FAM83A: variants seen among roughly 807,000 people sequenced by gnomAD.
The protein encoded by FAM83A is protein FAM83A.
FAM83A carries 21 observed loss-of-function variants against 24.4 expected under a neutral mutation model. The ratio of observed to expected loss-of-function variants is 0.86; its 90% CI spans 0.61 to 1.24. The LOEUF (loss-of-function observed/expected upper bound fraction) is 1.24, where lower values mean the gene tolerates loss of function less well. FAM83A is among the 50% of genes most tolerant of loss of function. The probability of loss-of-function intolerance (pLI) is 0.00; values close to 1 mark genes in which losing one functional copy is unlikely to be tolerated. For missense variants in FAM83A, 617 were observed against 579.8 expected, an observed-to-expected ratio of 1.06 and a Z score of -0.66; for synonymous variants, 270 against 252.4, an observed-to-expected ratio of 1.07 and a Z score of -0.66.
chr8:123,200,790 C>T (rs1824322121), intron 3 of FAM83A, among the ~76,000 whole-genome samples: 1 of 151,948 alleles, frequency 6.6e-6, no homozygotes. Context: ...CCTGTCTCTA[C>T]TAAAAATACA....
intron 1 of FAM83A, among the ~76,000 whole-genome samples, chr8:123,188,969 T>TCA (rs1399368045): frequency 6.6e-6 from 1 of 152,176 alleles, no homozygotes; most frequent in African/African-American, 2.4e-5. Context: ...CTGTCTCTGT[T>TCA]CAATCACCAG....
intron 1 of FAM83A, among the ~76,000 whole-genome samples, chr8:123,190,413 T>C (rs1020473026): frequency 3.3e-5 from 5 of 151,366 alleles, no homozygotes; most frequent in African/African-American, 1.2e-4. Flanking sequence ...AGGCGTGCAC[T>C]ACCAGTCCAG....
At chr8:123,183,312 C>T (rs1417390392) in exon 1 of FAM83A, 2 of 1,612,898 alleles carry the variant, frequency 1.2e-6, no homozygotes, top group Non-Finnish European at 8.5e-7. Context: ...ACCTCGTCCG[C>T]CGCTGCATCA....
rs1824677763 is a variant in FAM83A at position 123,209,801 on chromosome 8, C to T, written c.*2113C>T. 1 of 528,302 alleles carries T rather than the reference C, an allele frequency of 1.9e-6. No individual in the cohort carries two copies. Among genetic ancestry groups the T allele is most frequent in the Non-Finnish European group, 3.4e-6 (1 of 295,224 alleles). 32.7% of individuals were successfully genotyped at this position (528,302 alleles called of 1,614,324 possible). On this transcript the variant is annotated 3_prime_UTR_variant, in exon 4 of 4. Coordinates refer to ENST00000690554, the Ensembl canonical transcript of FAM83A. The surrounding 1 kb of genome is among the most constrained non-coding windows in gnomAD (Gnocchi z 4.7). The stretch of plus-strand genomic sequence containing the variant: ...CTTTGTTGACAAAGGTGCAGTTTCT[C>T]CTCTCCTGGGCACCTGTAACATGTG...
intron 3 of FAM83A, among the ~76,000 whole-genome samples, chr8:123,195,498 A>G (rs1192120956): frequency 6.6e-6 from 1 of 152,192 alleles, no homozygotes; most frequent in Non-Finnish European, 1.5e-5. Flanking sequence ...TGATATTAAC[A>G]TTGCTACCTC....
At chr8:123,207,951 T>C in exon 4 of FAM83A, 2 of 1,227,380 alleles carry the variant, frequency 1.6e-6, no homozygotes, top group African/African-American at 3.1e-5. Flanking sequence ...GACAAAATCA[T>C]GAAAACAGAG....
intron 3 of FAM83A, among the ~76,000 whole-genome samples, chr8:123,206,223 G>A (rs1206131967): frequency 2.0e-5 from 3 of 151,898 alleles, no homozygotes; most frequent in Non-Finnish European, 2.9e-5. Context: ...GTAAGTGGTG[G>A]CCCCAGGCCT....
At chr8:123,202,159 C>T (rs1035006010) in intron 3 of FAM83A, 26 of 152,402 alleles carry the variant, frequency 1.7e-4, no homozygotes, top group African/African-American at 6.3e-4. Context: ...CTTCAGTACT[C>T]GCCACTGCTC....
At chr8:123,200,680 G>A (rs923664344) in intron 3 of FAM83A, among the ~76,000 whole-genome samples, 7 of 152,122 alleles carry the variant, frequency 4.6e-5, no homozygotes, top group African/African-American at 9.7e-5. Flanking sequence ...CAGGAGGGGC[G>A]CGATGGCTCA....
At chr8:123,202,104 C>G (rs16898132) in intron 3 of FAM83A, 1 of 152,444 alleles carries the variant, frequency 6.6e-6, no homozygotes, top group Non-Finnish European at 1.5e-5. Flanking sequence ...TGGGTTTTCT[C>G]TCCCAGGAAC....
At chr8:123,201,399 C>T (rs1263177750) in intron 3 of FAM83A, 1 of 152,208 alleles carries the variant, frequency 6.6e-6, no homozygotes, top group Non-Finnish European at 1.5e-5. Context: ...AGCCGGAATA[C>T]ATGCAGGGCC....
intron 3 of FAM83A, among the ~76,000 whole-genome samples, chr8:123,197,877 C>A (rs1489779613): frequency 6.6e-6 from 1 of 152,206 alleles, no homozygotes; most frequent in African/African-American, 2.4e-5. Context: ...CGCCTGTAAT[C>A]CCAGCACTTT....
chr8:123,205,934 G>C (rs551167463), intron 3 of FAM83A, among the ~76,000 whole-genome samples: 1 of 152,210 alleles, frequency 6.6e-6, no homozygotes, highest in East Asian at 1.9e-4. Flanking sequence ...CACGAGGTCA[G>C]GGGTTCGAGA....
chr8:123,194,486 CTTT>C (rs71573674), intron 3 of FAM83A, among the ~76,000 whole-genome samples: 2 of 140,448 alleles, frequency 1.4e-5, no homozygotes, highest in Admixed American at 7.2e-5. Context: ...CATCCCATTG[CTTT>C]TTTTTTTTTT....
chr8:123,191,740 G>A (rs1823981812), intron 1 of FAM83A, 63 bp from the exon 2 acceptor site: 1 of 1,572,364 alleles, frequency 6.4e-7, no homozygotes, highest in Non-Finnish European at 8.7e-7. Flanking sequence ...AGGCAGTTTG[G>A]GTGAAACCAG....
exon 4 of FAM83A, chr8:123,208,047 A>G: frequency 9.3e-7 from 1 of 1,075,562 alleles, no homozygotes; most frequent in Non-Finnish European, 1.1e-6. Context: ...CCCAAGTTTT[A>G]CAAATGGGTA....
rs558101267 is a variant in FAM83A, at chr8:123,197,645, C to T, written c.773+3497C>T. On this transcript the variant is annotated intron_variant, in intron 3 of 3. Transcript: ENST00000690554. Reference sequence around the variant, plus strand: ...AGGAATTCTTGCAGCGCTCTTGACACTCCATTTCAAGGCACACATTCTTCC... The same window carrying T: ...AGGAATTCTTGCAGCGCTCTTGACATTCCATTTCAAGGCACACATTCTTCC... Among the ~76,000 whole-genome samples, 7 of 152,340 alleles carry T rather than the reference C, an allele frequency of 4.6e-5. No homozygotes were observed. The South Asian group carries it at 1.2e-3, about 27-fold the overall frequency.
At chr8:123,183,897 T>C (rs1359406449) in intron 1 of FAM83A, among the ~76,000 whole-genome samples, 2 of 152,052 alleles carry the variant, frequency 1.3e-5, no homozygotes, top group East Asian at 1.9e-4. Context: ...GGTTTCACCA[T>C]GTTGGCCAGG....
intron 1 of FAM83A, among the ~76,000 whole-genome samples, chr8:123,188,241 G>C (rs924532013): frequency 6.6e-6 from 1 of 151,744 alleles, no homozygotes; most frequent in Admixed American, 6.6e-5. Flanking sequence ...TTCACACGAC[G>C]GCTTTCTCCT....
Sources: allele counts gnomAD v4.1 joint callset (sites outside exome capture counted in the v4.1 genomes callset), GRCh38; gene constraint gnomAD v4.1.1; non-coding constraint Gnocchi (gnomAD v3.1); transcripts MANE v1.5; gene names NCBI Gene and HGNC (gene_info 2026-07-23, HGNC 2026-07-21).